The following ACAP2 variants were observed in gnomAD, a reference collection of about 807,000 sequenced individuals.
ACAP2 encodes ArfGAP with coiled-coil, ankyrin repeat and PH domains 2.
Under a neutral mutation model 115.8 loss-of-function variants are expected in ACAP2, and 39 were observed. The observed-to-expected ratio is 0.34, with a 90% CI of 0.26 to 0.44. The LOEUF is 0.44. ACAP2 is among the 20% of genes least tolerant of loss of function. The pLI, the probability that ACAP2 is intolerant of heterozygous loss-of-function variation, is 1.00. For synonymous variants in ACAP2, 289 were observed against 315.8 expected (o/e 0.92, Z 0.90); for missense variants, 662 against 927.6 (o/e 0.71, Z 3.72).
intron 1 of ACAP2, among the ~76,000 whole-genome samples, chr3:195,421,312 G>A (rs557946199): frequency 1.3e-5 from 2 of 152,122 alleles, no homozygotes; most frequent in South Asian, 2.1e-4. Context: ...GATGTGCATC[G>A]CCTATTTGAC....
chr3:195,288,822 G>C (rs1691211008), intron 21 of ACAP2, among the ~76,000 whole-genome samples: 1 of 152,056 alleles, frequency 6.6e-6, no homozygotes, highest in African/African-American at 2.4e-5. Context: ...ACTCCACTCT[G>C]GGCAACAGAG....
At chr3:195,303,686 T>C (rs1465116013) in intron 13 of ACAP2, among the ~76,000 whole-genome samples, 2 of 152,198 alleles carry the variant, frequency 1.3e-5, no homozygotes, top group African/African-American at 4.8e-5. Flanking sequence ...GGAGGACTGC[T>C]TGAGCCCAGG....
At chr3:195,293,248 A>G (rs930114265) in intron 18 of ACAP2, among the ~76,000 whole-genome samples, 2 of 152,186 alleles carry the variant, frequency 1.3e-5, no homozygotes, top group African/African-American at 4.8e-5. Context: ...ACCTCACTTC[A>G]TTCCTAGGAT....
At chr3:195,356,464 G>A (rs1731978048) in intron 4 of ACAP2, among the ~76,000 whole-genome samples, 1 of 152,198 alleles carries the variant, frequency 6.6e-6, no homozygotes, top group Non-Finnish European at 1.5e-5. Flanking sequence ...AGAGCCAGTG[G>A]ACTTGGAGGT....
chr3:195,359,198 C>T (rs1459051915), intron 4 of ACAP2, among the ~76,000 whole-genome samples: 1 of 152,066 alleles, frequency 6.6e-6, no homozygotes, highest in Admixed American at 6.6e-5. Flanking sequence ...GTTCTTCACT[C>T]GGAAAGAAAA....
At chr3:195,299,753 G>A (rs1727904254) in intron 15 of ACAP2, among the ~76,000 whole-genome samples, 1 of 152,078 alleles carries the variant, frequency 6.6e-6, no homozygotes. Flanking sequence ...GAGGAGAATG[G>A]TGTGAACCCA....
At chr3:195,420,280 T>C (rs1388433041) in intron 1 of ACAP2, among the ~76,000 whole-genome samples, 1 of 152,200 alleles carries the variant, frequency 6.6e-6, no homozygotes, top group Non-Finnish European at 1.5e-5. Flanking sequence ...CTTTATTTAA[T>C]GTATACACAC....
intron 4 of ACAP2, among the ~76,000 whole-genome samples, chr3:195,371,233 T>C (rs1355517845): frequency 2.0e-5 from 3 of 152,336 alleles, no homozygotes; most frequent in East Asian, 3.9e-4. Context: ...TCTGATTTCT[T>C]TGAGCAATGT....
intron 1 of ACAP2, among the ~76,000 whole-genome samples, chr3:195,439,615 GTTTT>G (rs1232487411): frequency 1.3e-5 from 2 of 151,158 alleles, no homozygotes; most frequent in African/African-American, 4.9e-5. Flanking sequence ...TACATTTTGG[GTTTT>G]TTTGTTTTTT....
At chr3:195,299,628 G>A (rs1046247618) in intron 15 of ACAP2, among the ~76,000 whole-genome samples, 1 of 151,818 alleles carries the variant, frequency 6.6e-6, no homozygotes, top group Non-Finnish European at 1.5e-5. Context: ...CACGAGGTCA[G>A]GAGATCGAGA....
At chr3:195,419,784 C>CTATCCTT (rs1714023989) in intron 1 of ACAP2, among the ~76,000 whole-genome samples, 1 of 152,162 alleles carries the variant, frequency 6.6e-6, no homozygotes, top group Non-Finnish European at 1.5e-5. Context: ...TATCTAGTAA[C>CTATCCTT]TATCCTTTTC....
At chr3:195,435,399 C>T (rs1442228596) in intron 1 of ACAP2, among the ~76,000 whole-genome samples, 1 of 151,962 alleles carries the variant, frequency 6.6e-6, no homozygotes, top group Non-Finnish European at 1.5e-5. Flanking sequence ...ATCTCCTGAC[C>T]TCGTGATCCA....
chr3:195,437,212 T>A (rs1577484423), intron 1 of ACAP2, among the ~76,000 whole-genome samples: 1 of 74,034 alleles, frequency 1.4e-5, no homozygotes, highest in East Asian at 5.2e-3. Flanking sequence ...TTTGGCTAAT[T>A]TTTTTTTTTT....
rs534180066 is a variant in ACAP2, at chr3:195,287,642, A to C, written c.2174+1479T>G. On this transcript the variant is annotated intron_variant, in intron 21 of 22. Transcript: ENST00000326793. The stretch of plus-strand genomic sequence containing the variant: ...TGAATAATTCTTTTTAAAAACAAGC[A>C]CAAATTCCTACCACTGCCCAAAGGT... Among the ~76,000 whole-genome samples the C allele has an allele frequency of 3.9e-5, 6 of 152,304 alleles. No individual in the cohort carries two copies. The South Asian group carries it at 8.3e-4, about 21-fold the overall frequency.
intron 14 of ACAP2, 40 bp downstream of exon 14, chr3:195,301,926 T>C: frequency 6.3e-7 from 1 of 1,593,826 alleles, no homozygotes; most frequent in Non-Finnish European, 8.6e-7. Context: ...TCTGTGTTTA[T>C]CCAAAAGAAG....
chr3:195,401,603 G>A (rs570290081), intron 1 of ACAP2, among the ~76,000 whole-genome samples: 28 of 152,322 alleles, frequency 1.8e-4, no homozygotes, highest in African/African-American at 6.7e-4. Flanking sequence ...GGAGGCAGAG[G>A]TTGCAGTGAG....
chr3:195,379,833 A>C (rs1235045801), intron 4 of ACAP2, among the ~76,000 whole-genome samples: 2 of 152,172 alleles, frequency 1.3e-5, no homozygotes, highest in African/African-American at 2.4e-5. Flanking sequence ...AATAGACAAC[A>C]ATGGTAACAA....
intron 10 of ACAP2, among the ~76,000 whole-genome samples, chr3:195,317,323 A>G (rs1218473681): frequency 6.6e-6 from 1 of 152,226 alleles, no homozygotes; most frequent in African/African-American, 2.4e-5. Context: ...ACTTACTAGG[A>G]AATTATATTT....
At chr3:195,344,234 AAAAAC>A (rs941577708) in intron 5 of ACAP2, among the ~76,000 whole-genome samples, 1 of 152,112 alleles carries the variant, frequency 6.6e-6, no homozygotes, top group African/African-American at 2.4e-5. Context: ...TAAAAAAGAA[AAAAAC>A]AAAAGAAAAG....
Sources: allele counts gnomAD v4.1 joint callset (sites outside exome capture counted in the v4.1 genomes callset), GRCh38; gene constraint gnomAD v4.1.1; transcripts MANE v1.5; gene names NCBI Gene and HGNC (gene_info 2026-07-23, HGNC 2026-07-21).